The following NEDD9 variants were observed in gnomAD, a reference collection of about 807,000 sequenced individuals.
The protein encoded by NEDD9 is enhancer of filamentation 1.
Under a neutral mutation model 76.6 loss-of-function variants are expected in NEDD9, and 26 were observed. The observed-to-expected ratio is 0.34, with a 90% CI of 0.25 to 0.47. The LOEUF (loss-of-function observed/expected upper bound fraction) is 0.47. Among genes scored for constraint, NEDD9 ranks in the 20% least tolerant of loss-of-function variants. The pLI, the probability that NEDD9 is intolerant of heterozygous loss-of-function variation, is 1.00. For missense variants in NEDD9, 937 were observed against 1,058.5 expected (o/e 0.89, Z 1.59); for synonymous variants, 392 against 414.2 (o/e 0.95, Z 0.65).
At chr6:11,360,556 A>ATGAGATCTGGTTGG (rs1561847369) in intron 1 of NEDD9, among the ~76,000 whole-genome samples, 1 of 151,854 alleles carries the variant, frequency 6.6e-6, no homozygotes, top group African/African-American at 2.4e-5. Context: ...GTGAGTTCTC[A>ATGAGATCTGGTTGG]TGAGATCTGG....
chr6:11,376,196 A>C (rs532589689), intron 1 of NEDD9, among the ~76,000 whole-genome samples: 35 of 152,264 alleles, frequency 2.3e-4, no homozygotes, highest in Non-Finnish European at 5.0e-4. Context: ...ACTAACACAG[A>C]AAATTGAAAA....
At chr6:11,296,312 A>C (rs1329067087) in intron 3 of NEDD9, among the ~76,000 whole-genome samples, 1 of 152,182 alleles carries the variant, frequency 6.6e-6, no homozygotes, top group Non-Finnish European at 1.5e-5. Context: ...TTTGATCCTG[A>C]TTCTTTCACT....
intron 1 of NEDD9, among the ~76,000 whole-genome samples, chr6:11,222,634 C>T (rs897095561): frequency 1.3e-5 from 2 of 152,226 alleles, no homozygotes; most frequent in Non-Finnish European, 2.9e-5. Flanking sequence ...GCTCTAAATG[C>T]ATGTTCCATG....
At chr6:11,362,753 A>G (rs1762699790) in intron 1 of NEDD9, among the ~76,000 whole-genome samples, 2 of 152,222 alleles carry the variant, frequency 1.3e-5, no homozygotes, top group South Asian at 4.1e-4. Context: ...TCTTTTATTA[A>G]GTGGAAGTGC....
rs943098403 is a variant in NEDD9 at position 11,308,591 on chromosome 6, A to G, written c.-152-2436T>C. Reference sequence around the variant, plus strand: ...TCATCGTGTTAGCCAGGATGGTCTTAATCTCCTTACCTCGTGATCCGCCCA... The same window carrying G: ...TCATCGTGTTAGCCAGGATGGTCTTGATCTCCTTACCTCGTGATCCGCCCA... On this transcript the variant is annotated intron_variant, in intron 2 of 3. Transcript: ENST00000397378. 4.9e-4 allele frequency among the ~76,000 whole-genome samples: 75 copies of G among 151,864 alleles called. 1 individual carries two copies. Among genetic ancestry groups the G allele is most frequent in the African/African-American group, 1.4e-3 (58 of 41,406 alleles).
chr6:11,326,994 T>C (rs769226406), intron 2 of NEDD9, among the ~76,000 whole-genome samples: 4 of 152,188 alleles, frequency 2.6e-5, no homozygotes, highest in African/African-American at 7.2e-5. Flanking sequence ...AGTTGGAGAC[T>C]TGGGTTTTAG....
intron 1 of NEDD9, among the ~76,000 whole-genome samples, chr6:11,217,915 A>G (rs1759003417): frequency 6.6e-6 from 1 of 152,098 alleles, no homozygotes; most frequent in African/African-American, 2.4e-5. Flanking sequence ...CCTCCACGAT[A>G]CCACTTTTTC....
At chr6:11,229,062 G>C (rs1759390439) in intron 1 of NEDD9, among the ~76,000 whole-genome samples, 1 of 152,178 alleles carries the variant, frequency 6.6e-6, no homozygotes, top group Non-Finnish European at 1.5e-5. Flanking sequence ...TCTTGCTTGA[G>C]GAAATACGAA....
intron 3 of NEDD9, among the ~76,000 whole-genome samples, chr6:11,242,398 C>T (rs1465371626): frequency 1.3e-5 from 2 of 152,222 alleles, no homozygotes; most frequent in Non-Finnish European, 2.9e-5. Context: ...ATGCAGTTCT[C>T]CTGATTCATG....
intron 1 of NEDD9, among the ~76,000 whole-genome samples, chr6:11,354,031 A>G (rs1762520758): frequency 6.6e-6 from 1 of 152,252 alleles, no homozygotes; most frequent in Non-Finnish European, 1.5e-5. Flanking sequence ...CAGACTAAAA[A>G]TTAGCCACAA....
chr6:11,296,263 C>A (rs984567606), intron 3 of NEDD9, among the ~76,000 whole-genome samples: 1 of 152,096 alleles, frequency 6.6e-6, no homozygotes, highest in Non-Finnish European at 1.5e-5. Flanking sequence ...GTCATGGCAG[C>A]CCAAGCAGAT....
At chr6:11,273,418 A>G (rs879343946) in intron 3 of NEDD9, among the ~76,000 whole-genome samples, 10 of 152,266 alleles carry the variant, frequency 6.6e-5, no homozygotes, top group Admixed American at 1.3e-4. Context: ...TTTAGTTTCT[A>G]TAAAAACAAG....
chr6:11,305,080 C>G, intron 3 of NEDD9: 1 of 1,286,964 alleles, frequency 7.8e-7, no homozygotes, highest in Non-Finnish European at 1.0e-6. Context: ...GAACGTTTGC[C>G]CAGAAAGGAG....
intron 1 of NEDD9, among the ~76,000 whole-genome samples, chr6:11,373,153 T>TA (rs55655020): frequency 0.16 from 23,543 of 146,984 alleles, 1,893 homozygotes; most frequent in Middle Eastern, 0.24. Context: ...CCATAAAAAT[T>TA]AAAAAAAAAA....
chr6:11,193,568 T>C, intron 3 of NEDD9, 23 bp downstream of exon 3: 2 of 1,577,592 alleles, frequency 1.3e-6, no homozygotes, highest in South Asian at 1.1e-5. Context: ...CTTCTCCTCT[T>C]GTGACCATGT....
chr6:11,280,114 G>A (rs1760505085), intron 3 of NEDD9, among the ~76,000 whole-genome samples: 1 of 152,136 alleles, frequency 6.6e-6, no homozygotes, highest in Admixed American at 6.5e-5. Flanking sequence ...CCCTCTAGAT[G>A]TCAGTTGCAT....
At chr6:11,204,025 G>T (rs1378502172) in intron 2 of NEDD9, among the ~76,000 whole-genome samples, 1 of 150,882 alleles carries the variant, frequency 6.6e-6, no homozygotes, top group African/African-American at 2.4e-5. Context: ...AACTGTTAAA[G>T]TGATTCTGAG....
intron 1 of NEDD9, among the ~76,000 whole-genome samples, chr6:11,368,560 G>C (rs16871291): frequency 0.067 from 10,153 of 152,234 alleles, 371 homozygotes; most frequent in Non-Finnish European, 0.067. Flanking sequence ...TTTGTTGACT[G>C]ATGACTGACA....
At chr6:11,226,221 T>C (rs1237240627) in intron 1 of NEDD9, among the ~76,000 whole-genome samples, 1 of 152,126 alleles carries the variant, frequency 6.6e-6, no homozygotes, top group East Asian at 1.9e-4. Flanking sequence ...GTAAATAAGA[T>C]GGAGGGGGGT....
Sources: gnomAD v4.1 joint callset for allele counts (sites outside exome capture counted in the v4.1 genomes callset) on GRCh38, gnomAD v4.1.1 for gene constraint, MANE v1.5 for transcripts, NCBI Gene and HGNC (gene_info 2026-07-23, HGNC 2026-07-21) for gene names.